The following HTRA3 variants were observed in gnomAD, a reference collection of about 807,000 sequenced individuals.
HTRA3 encodes serine protease HTRA3.
Under a neutral mutation model 43.2 loss-of-function variants are expected in HTRA3, and 41 were observed. That is an observed-to-expected ratio of 0.95 (90% CI 0.74 to 1.23). HTRA3 has a LOEUF of 1.23. HTRA3 is among the 50% of genes most tolerant of loss of function. The pLI is 0.00. For missense variants in HTRA3, 628 were observed against 647.1 expected, an observed-to-expected ratio of 0.97 and a Z score of 0.32; for synonymous variants, 295 against 287.9, an observed-to-expected ratio of 1.02 and a Z score of -0.25.
At chr4:8,293,403 C>A (rs539203377) in intron 5 of HTRA3, among the ~76,000 whole-genome samples, 1 of 152,284 alleles carries the variant, frequency 6.6e-6, no homozygotes, top group Admixed American at 6.5e-5. Context: ...CTTCCAGGGA[C>A]CAGGAGGACA....
At chr4:8,301,131 ACT>A (rs67323951) in intron 6 of HTRA3, among the ~76,000 whole-genome samples, 7,343 of 141,696 alleles carry the variant, frequency 0.052, 583 homozygotes, top group African/African-American at 0.18. Context: ...ATTGAGTCAC[ACT>A]CTTATTAGAT....
At chr4:8,277,477 C>A (rs1038189041) in intron 1 of HTRA3, among the ~76,000 whole-genome samples, 4 of 152,060 alleles carry the variant, frequency 2.6e-5, no homozygotes, top group Non-Finnish European at 4.4e-5. Context: ...GGGAAGGGTA[C>A]GAGGTGCTGT....
At chr4:8,281,411 G>C (rs1432028102) in intron 1 of HTRA3, among the ~76,000 whole-genome samples, 1 of 152,218 alleles carries the variant, frequency 6.6e-6, no homozygotes, top group Non-Finnish European at 1.5e-5. Flanking sequence ...GGGACTCGAA[G>C]TTTGCAGTCC....
chr4:8,298,793 G>T (rs926823044), intron 6 of HTRA3, among the ~76,000 whole-genome samples: 1 of 152,262 alleles, frequency 6.6e-6, no homozygotes, highest in South Asian at 2.1e-4. Context: ...CCTTCGCACC[G>T]TTGTCCAAAA....
intron 2 of HTRA3, among the ~76,000 whole-genome samples, chr4:8,285,440 C>T (rs1456091898): frequency 1.3e-5 from 2 of 152,114 alleles, no homozygotes; most frequent in East Asian, 1.9e-4. Context: ...GTGCCAGACG[C>T]TCCCATCCCT....
rs1055228821 is a variant in HTRA3 at position 8,286,331 on chromosome 4, C to G, written c.486-230C>G. On this transcript the variant is annotated intron_variant, in intron 2 of 8. Coordinates refer to ENST00000307358, the MANE Select transcript of HTRA3 (RefSeq NM_053044.5). This position sits in a 1 kb window ranked among gnomAD's most constrained non-coding sequence, Gnocchi z 4.9. ...CAGCCTGTCTCATCTCAGCAAATTGCAGCGAGAGGTGATCATCATCACCTC... is the reference window on the plus strand; with the variant it reads ...CAGCCTGTCTCATCTCAGCAAATTGGAGCGAGAGGTGATCATCATCACCTC... 1.3e-5 allele frequency among the ~76,000 whole-genome samples: 2 copies of G among 152,132 alleles called. No homozygotes were observed. Among genetic ancestry groups the G allele is most frequent in the Admixed American group, 1.3e-4 (2 of 15,276 alleles).
chr4:8,307,001 T>A lies in HTRA3; in HGVS notation c.*865T>A, dbSNP rs1713879380. ...CCCCCTCATCCAGGGAACGAGTGTG[T>A]CTCAAGGGGCATTTGTGAGCTTTGC... On this transcript the variant is annotated 3_prime_UTR_variant, in exon 9 of 9. Coordinates refer to ENST00000307358, the MANE Select transcript of HTRA3 (RefSeq NM_053044.5). The surrounding 1 kb of genome is among the most constrained non-coding windows in gnomAD (Gnocchi z 6.1). The A allele has an allele frequency of 6.5e-6, 1 of 152,714 alleles. No homozygotes were observed. The highest frequency in any genetic ancestry group is 1.5e-5 in the Non-Finnish European group (1 of 68,100). The allele number at this position is 152,714 out of a possible 1,614,324, so 9.5% of individuals were successfully genotyped here.
chr4:8,283,913 C>T (rs1712856547), intron 2 of HTRA3, among the ~76,000 whole-genome samples: 3 of 152,182 alleles, frequency 2.0e-5, no homozygotes, highest in Admixed American at 1.3e-4. Context: ...TGCTGGCTGG[C>T]TCGGCGCTTG....
chr4:8,270,195 G>A lies in HTRA3; in HGVS notation c.227G>A (p.Cys76Tyr). The A allele has an allele frequency of 6.5e-7, 1 of 1,540,512 alleles. No individual in the cohort carries two copies. The highest frequency in any genetic ancestry group is 8.7e-7 in the Non-Finnish European group (1 of 1,155,866). The change falls in exon 1 of 9, where the codon TGC becomes TAC. Residue 76 changes from cysteine (C) to tyrosine (Y), a missense_variant. Cys to Tyr is a radical substitution (Grantham distance 194). Coordinates refer to ENST00000307358, the MANE Select transcript of HTRA3 (RefSeq NM_053044.5). ...LDSPCGESLE[C>Y]VRGLCRCRWS... ...TCGCCTTGCGGCGAGAGCCTGGAGTGCGTGCGCGGCCTATGCCGCTGCCGC... is the reference window on the plus strand; with the variant it reads ...TCGCCTTGCGGCGAGAGCCTGGAGTACGTGCGCGGCCTATGCCGCTGCCGC...
intron 1 of HTRA3, among the ~76,000 whole-genome samples, chr4:8,280,272 C>G (rs549067434): frequency 6.6e-6 from 1 of 152,300 alleles, no homozygotes; most frequent in South Asian, 2.1e-4. Flanking sequence ...CCAGGGCACA[C>G]AGGGGAGCAG....
intron 6 of HTRA3, 37 bp downstream of exon 6, chr4:8,294,238 G>T (rs755274466): frequency 6.8e-7 from 1 of 1,462,642 alleles, no homozygotes; most frequent in South Asian, 1.2e-5. Context: ...GAGGCAGGGG[G>T]CACTCTCCCA....
chr4:8,291,587 C>A (rs779747831), intron 4 of HTRA3, 23 bp downstream of exon 4: 2 of 1,514,712 alleles, frequency 1.3e-6, no homozygotes. Flanking sequence ...GACAGGAGGC[C>A]GGGGCACCTG....
intron 1 of HTRA3, among the ~76,000 whole-genome samples, chr4:8,270,594 C>A (rs189791404): frequency 1.7e-3 from 254 of 152,266 alleles, no homozygotes; most frequent in African/African-American, 5.8e-3. Flanking sequence ...CCTGGCCACC[C>A]GAGGGGCCTC....
chr4:8,275,289 G>A (rs958309408), intron 1 of HTRA3, among the ~76,000 whole-genome samples: 1 of 152,162 alleles, frequency 6.6e-6, no homozygotes, highest in Non-Finnish European at 1.5e-5. Context: ...CTCCCATGCA[G>A]CCCCACACAG....
At chr4:8,285,346 A>C (rs577852338) in intron 2 of HTRA3, among the ~76,000 whole-genome samples, 2 of 152,324 alleles carry the variant, frequency 1.3e-5, no homozygotes, top group South Asian at 4.1e-4. Flanking sequence ...CAGAGGGAGC[A>C]CAGGGTGGCA....
intron 2 of HTRA3, among the ~76,000 whole-genome samples, chr4:8,285,180 G>A (rs926341155): frequency 2.6e-5 from 4 of 152,088 alleles, no homozygotes; most frequent in Admixed American, 6.5e-5. Flanking sequence ...TGATGTCACC[G>A]TAACTTCAGG....
chr4:8,284,617 C>T (rs928405577), intron 2 of HTRA3, among the ~76,000 whole-genome samples: 2 of 152,240 alleles, frequency 1.3e-5, no homozygotes, highest in Non-Finnish European at 2.9e-5. Context: ...GGGGCTTCCG[C>T]AGGCAAAACA....
In HTRA3 at chr4:8,270,193, G is replaced by T. The variant is rs1400550498; in HGVS notation, c.225G>T (p.Glu75Asp). ...ACTCGCCTTGCGGCGAGAGCCTGGAGTGCGTGCGCGGCCTATGCCGCTGCC... is the reference window on the plus strand; with the variant it reads ...ACTCGCCTTGCGGCGAGAGCCTGGATTGCGTGCGCGGCCTATGCCGCTGCC... ...PLDSPCGESL[E>D]CVRGLCRCRW... Residue 75 changes from glutamate to aspartate, a missense_variant, in exon 1 of 9, where the codon GAG (glutamate) becomes GAT (aspartate). Glu to Asp is a conservative substitution (Grantham distance 45). Transcript: ENST00000307358. 1.3e-6 allele frequency: 2 copies of T among 1,541,084 alleles called. No individual in the cohort carries two copies. The highest frequency in any genetic ancestry group is 3.8e-5 in the Admixed American group (2 of 52,348).
rs115396150 is a variant in HTRA3, at chr4:8,273,003, C to T, written c.385+2650C>T. 5.6e-3 allele frequency among the ~76,000 whole-genome samples: 854 copies of T among 152,320 alleles called. 13 individuals carry two copies. Among genetic ancestry groups the T allele is most frequent in the African/African-American group, 0.019 (799 of 41,576 alleles). The stretch of plus-strand genomic sequence containing the variant: ...ACTCCCTGTGGAGGCCTTGGGTGCC[C>T]GGCCTCTCCCCAGCCCTGTCTCATT... On this transcript the variant is annotated intron_variant, in intron 1 of 8. Coordinates refer to ENST00000307358, the MANE Select transcript of HTRA3 (RefSeq NM_053044.5).
Sources: gnomAD v4.1 joint callset for allele counts (sites outside exome capture counted in the v4.1 genomes callset) on GRCh38, gnomAD v4.1.1 for gene constraint, Gnocchi (gnomAD v3.1) non-coding constraint, MANE v1.5 for transcripts, NCBI Gene and HGNC (gene_info 2026-07-23, HGNC 2026-07-21) for gene names.